The following NRXN1 variants were observed in gnomAD, a reference collection of about 807,000 sequenced individuals.
NRXN1 encodes neurexin 1.
Under a neutral mutation model 150.9 loss-of-function variants are expected in NRXN1, and 39 were observed. The ratio of observed to expected loss-of-function variants is 0.26; its 90% CI spans 0.20 to 0.34. The LOEUF (loss-of-function observed/expected upper bound fraction) is 0.34, where lower values mean the gene tolerates loss of function less well. Ranked by LOEUF, NRXN1 falls within the 10% of genes least tolerant of loss-of-function variation. The pLI is 1.00. For synonymous variants in NRXN1, 924 were observed against 757.0 expected, an observed-to-expected ratio of 1.22 and a Z score of -3.62; for missense variants, 1,815 against 1,949.9, an observed-to-expected ratio of 0.93 and a Z score of 1.30.
chr2:50,534,285 T>G (rs926573097), intron 10 of NRXN1, among the ~76,000 whole-genome samples: 1 of 152,062 alleles, frequency 6.6e-6, no homozygotes, highest in Non-Finnish European at 1.5e-5. Flanking sequence ...AAGGCCAAAA[T>G]TGGGCTGCAG....
At chr2:50,885,803 T>C (rs1407419118) in intron 5 of NRXN1, among the ~76,000 whole-genome samples, 1 of 140,596 alleles carries the variant, frequency 7.1e-6, no homozygotes, top group Admixed American at 7.2e-5. Flanking sequence ...AATGTCTAAA[T>C]CGTAAATATT....
At chr2:50,072,679 T>TA (rs1450364727) in intron 19 of NRXN1, among the ~76,000 whole-genome samples, 1 of 152,096 alleles carries the variant, frequency 6.6e-6, no homozygotes, top group Non-Finnish European at 1.5e-5. Flanking sequence ...ACGAATGTCT[T>TA]ACATTGTTGT....
At chr2:50,266,536 TAC>T (rs67570666) in intron 17 of NRXN1, among the ~76,000 whole-genome samples, 3,792 of 112,684 alleles carry the variant, frequency 0.034, 83 homozygotes, top group African/African-American at 0.07. Context: ...TGTATATAAA[TAC>T]ACACACACAC....
At chr2:50,357,923 G>A (rs1457317712) in intron 17 of NRXN1, among the ~76,000 whole-genome samples, 1 of 152,102 alleles carries the variant, frequency 6.6e-6, no homozygotes, top group African/African-American at 2.4e-5. Context: ...TGCAGCCCAC[G>A]GAGAGCGAGC....
chr2:49,981,694 A>G (rs1488351053), intron 21 of NRXN1, among the ~76,000 whole-genome samples: 3 of 152,124 alleles, frequency 2.0e-5, no homozygotes, highest in African/African-American at 7.2e-5. Context: ...AATGTTGCCT[A>G]TTAACAAAAC....
chr2:50,922,728 A>T (rs201427729), intron 3 of NRXN1, 41 bp from the exon 4 acceptor site: 1 of 1,603,810 alleles, frequency 6.2e-7, no homozygotes, highest in South Asian at 1.1e-5. Flanking sequence ...TAAACAAGGG[A>T]GCATGGGAAG....
intron 17 of NRXN1, among the ~76,000 whole-genome samples, chr2:50,426,501 T>C (rs542235511): frequency 2.0e-4 from 31 of 152,038 alleles, no homozygotes; most frequent in African/African-American, 7.5e-4. Flanking sequence ...ACACAGTGTA[T>C]TGTATTTTGT....
chr2:50,327,946 G>T (rs1027800775), intron 17 of NRXN1, among the ~76,000 whole-genome samples: 21 of 152,014 alleles, frequency 1.4e-4, no homozygotes, highest in African/African-American at 4.8e-4. Context: ...ACTGTGCCCG[G>T]CCACTTCTTT....
In NRXN1 at chr2:50,161,563, A is replaced by T. The variant is rs140444314; in HGVS notation, c.3547-70069T>A. ...AGCAGACTGGGAGAATTTTGACAGGAGAACTACTATTCTTTTCAGACACAG... is the reference window on the plus strand; with the variant it reads ...AGCAGACTGGGAGAATTTTGACAGGTGAACTACTATTCTTTTCAGACACAG... On this transcript the variant is annotated intron_variant, in intron 18 of 22. Transcript: ENST00000401669. Among the ~76,000 whole-genome samples the T allele has an allele frequency of 2.7e-3, 406 of 152,332 alleles. 1 individual carries two copies. The highest frequency in any genetic ancestry group is 9.3e-3 in the African/African-American group (385 of 41,590).
intron 18 of NRXN1, among the ~76,000 whole-genome samples, chr2:50,128,141 A>G (rs1428638736): frequency 6.6e-6 from 1 of 152,222 alleles, no homozygotes; most frequent in African/African-American, 2.4e-5. Flanking sequence ...CTCTACCATG[A>G]TAGCTGAGAT....
intron 9 of NRXN1, among the ~76,000 whole-genome samples, chr2:50,547,958 T>C (rs970024526): frequency 6.6e-6 from 1 of 152,160 alleles, no homozygotes; most frequent in Admixed American, 6.5e-5. Context: ...AAGGAACATA[T>C]GTTAGAAATA....
intron 22 of NRXN1, among the ~76,000 whole-genome samples, chr2:49,934,824 A>T (rs1312213616): frequency 2.0e-5 from 3 of 151,768 alleles, no homozygotes. Context: ...AAAAAGCCCA[A>T]TTTTTTTCCC....
chr2:50,480,300 A>G (rs1257992449), intron 15 of NRXN1, among the ~76,000 whole-genome samples: 1 of 152,206 alleles, frequency 6.6e-6, no homozygotes, highest in Non-Finnish European at 1.5e-5. Context: ...GAACCCATGC[A>G]TGAATCGTCT....
chr2:50,053,451 G>A lies in NRXN1; in HGVS notation c.3948C>T (p.Ala1316=). 1 of 1,614,036 alleles carries A rather than the reference G, an allele frequency of 6.2e-7. No individual in the cohort carries two copies. Among genetic ancestry groups the A allele is most frequent in the Non-Finnish European group, 8.5e-7 (1 of 1,179,928 alleles). Residue 1316 remains alanine, a synonymous_variant, in exon 21 of 23, where the codon GCC becomes GCT. Coordinates refer to ENST00000401669, the MANE Select transcript of NRXN1 (RefSeq NM_001330078.2). ...KVLNMAAEND[A]NIAIVGNVRL... is the part of the protein sequence containing the mutation. ...TCACATTTCCCACTATGGCGATGTT[G>A]GCATCGTTTTCGGCTGCCATATTCA...
At chr2:50,574,629 C>T (rs1166582409) in intron 8 of NRXN1, among the ~76,000 whole-genome samples, 2 of 152,172 alleles carry the variant, frequency 1.3e-5, no homozygotes, top group African/African-American at 4.8e-5. Flanking sequence ...ATGTTAACTT[C>T]ACCCAAGATC....
At chr2:50,850,341 T>C (rs17569942) in intron 5 of NRXN1, among the ~76,000 whole-genome samples, 14,101 of 152,200 alleles carry the variant, frequency 0.093, 781 homozygotes, top group Middle Eastern at 0.15. Context: ...GCTGAGTGGC[T>C]AGGAAACATT....
intron 17 of NRXN1, among the ~76,000 whole-genome samples, chr2:50,430,528 T>C (rs1388722607): frequency 6.6e-6 from 1 of 152,216 alleles, no homozygotes; most frequent in Non-Finnish European, 1.5e-5. Context: ...AATAGTCACA[T>C]GAAGCCACAG....
At chr2:50,082,338 G>C (rs934827735) in intron 19 of NRXN1, among the ~76,000 whole-genome samples, 6 of 152,126 alleles carry the variant, frequency 3.9e-5, no homozygotes, top group Admixed American at 2.0e-4. Context: ...AGTGAGACCA[G>C]TATAACCCTT....
intron 17 of NRXN1, among the ~76,000 whole-genome samples, chr2:50,375,960 G>A (rs539413964): frequency 1.3e-5 from 2 of 151,662 alleles, no homozygotes; most frequent in South Asian, 2.1e-4. Context: ...AAAATAGAAC[G>A]ATATAGTCTT....
Sources: gnomAD v4.1 joint callset for allele counts (sites outside exome capture counted in the v4.1 genomes callset) on GRCh38, gnomAD v4.1.1 for gene constraint, MANE v1.5 for transcripts, NCBI Gene and HGNC (gene_info 2026-07-23, HGNC 2026-07-21) for gene names.